Variants in SYNE2 observed in about 807,000 individuals in gnomAD.
SYNE2 encodes the protein spectrin repeat containing nuclear envelope protein 2, also known as nesprin-2.
Under a neutral mutation model 856.3 loss-of-function variants are expected in SYNE2, and 431 were observed. The observed-to-expected ratio is 0.50, with a 90% CI of 0.47 to 0.55. The LOEUF is 0.55. SYNE2 is among the 20% of genes least tolerant of loss of function. The probability of loss-of-function intolerance (pLI) is 0.00; values close to 1 mark genes in which losing one functional copy is unlikely to be tolerated. For synonymous variants in SYNE2, 2,923 were observed against 2,872.3 expected (o/e 1.02, Z -0.56); for missense variants, 8,129 against 8,023.2 (o/e 1.01, Z -0.50).
At chr14:64,209,001 C>A in intron 101 of SYNE2, 56 bp downstream of exon 101, 5 of 1,571,872 alleles carry the variant, frequency 3.2e-6, no homozygotes, top group Non-Finnish European at 3.5e-6. Flanking sequence ...CTCAATACAC[C>A]CTTCTGACCT....
intron 1 of SYNE2, among the ~76,000 whole-genome samples, chr14:63,828,260 T>C (rs1889536416): frequency 6.6e-6 from 1 of 151,938 alleles, no homozygotes; most frequent in East Asian, 1.9e-4. Context: ...TAAAAAATAA[T>C]ACAAATTAAA....
chr14:64,037,143 T>G (rs1264976953), intron 45 of SYNE2, among the ~76,000 whole-genome samples: 3 of 151,976 alleles, frequency 2.0e-5, no homozygotes, highest in Non-Finnish European at 4.4e-5. Flanking sequence ...CTTTTTTTTT[T>G]TTTTTTAATT....
intron 78 of SYNE2, among the ~76,000 whole-genome samples, chr14:64,137,295 G>A (rs1487258355): frequency 2.6e-5 from 4 of 152,154 alleles, no homozygotes; most frequent in African/African-American, 9.7e-5. Context: ...TACCTCCTGG[G>A]TTCCAGCAAT....
At chr14:64,206,059 T>C (rs2098603808) in intron 100 of SYNE2, among the ~76,000 whole-genome samples, 1 of 152,190 alleles carries the variant, frequency 6.6e-6, no homozygotes. Context: ...CTGTTTTTCT[T>C]CTCCTCAGCC....
chr14:64,076,182 C>G, intron 54 of SYNE2, 82 bp downstream of exon 54: 1 of 1,486,656 alleles, frequency 6.7e-7, no homozygotes, highest in Non-Finnish European at 9.2e-7. Context: ...ATGTCAAATT[C>G]CATTTGCCAG....
intron 45 of SYNE2, among the ~76,000 whole-genome samples, chr14:64,038,341 G>A (rs1290641889): frequency 1.3e-5 from 2 of 151,802 alleles, no homozygotes; most frequent in Non-Finnish European, 2.9e-5. Context: ...GGGCAGAGAC[G>A]CTCCTCACTT....
At chr14:64,148,032 C>T (rs2098202953) in intron 84 of SYNE2, among the ~76,000 whole-genome samples, 1 of 152,108 alleles carries the variant, frequency 6.6e-6, no homozygotes, top group Non-Finnish European at 1.5e-5. Context: ...GCCATTAAGG[C>T]CGGGCGCAGT....
chr14:64,214,147 G>T, intron 105 of SYNE2, 47 bp from the exon 106 acceptor site: 1 of 1,614,036 alleles, frequency 6.2e-7, no homozygotes, highest in South Asian at 1.1e-5. Context: ...TCTAATTGCA[G>T]AAGCCTATGA....
chr14:63,777,490 G>A (rs541206615), intron 1 of SYNE2, among the ~76,000 whole-genome samples: 2 of 152,248 alleles, frequency 1.3e-5, no homozygotes, highest in East Asian at 1.9e-4. Flanking sequence ...AGCAGCCTAG[G>A]TGACAGAGCA....
chr14:64,111,730 G>A (rs1034881651), intron 65 of SYNE2, among the ~76,000 whole-genome samples: 1 of 151,962 alleles, frequency 6.6e-6, no homozygotes, highest in Non-Finnish European at 1.5e-5. Context: ...CCTGGGAGGC[G>A]GAGGTTGCAG....
At chr14:64,150,512 T>G (rs2153702165) in intron 84 of SYNE2, among the ~76,000 whole-genome samples, 1 of 152,026 alleles carries the variant, frequency 6.6e-6, no homozygotes, top group East Asian at 1.9e-4. Flanking sequence ...TGAGCCACTG[T>G]GCCCGGCATG....
upstream of SYNE2, among the ~76,000 whole-genome samples, chr14:63,851,383 C>CA (rs545829991): frequency 2.0e-5 from 3 of 151,952 alleles, no homozygotes; most frequent in African/African-American, 7.2e-5. Context: ...AACGAACAAA[C>CA]AAAAAAACCC....
rs775098197 is a variant in SYNE2, at chr14:64,055,971, C to T, written c.9772C>T (p.Leu3258=). The T allele has an allele frequency of 6.2e-7, 1 of 1,613,930 alleles. No individual in the cohort carries two copies. Among genetic ancestry groups the T allele is most frequent in the Non-Finnish European group, 8.5e-7 (1 of 1,179,860 alleles). Residue 3258 remains leucine (L), a synonymous_variant, in exon 49 of 116, where the codon CTA becomes TTA. Coordinates refer to ENST00000555002, the MANE Select transcript of SYNE2 (RefSeq NM_182914.3). Reference sequence around the variant, plus strand: ...TGTCTTGAATGATGCTTATGAAAATCTAACACGCTATAAAGAAGCAGTCAC... The same window carrying T: ...TGTCTTGAATGATGCTTATGAAAATTTAACACGCTATAAAGAAGCAGTCAC... ...TNVLNDAYEN[L]TRYKEAVTRA...
chr14:64,009,535 CAAAAAAA>C (rs67434536), intron 31 of SYNE2, among the ~76,000 whole-genome samples: 34 of 77,438 alleles, frequency 4.4e-4, no homozygotes, highest in South Asian at 9.7e-4. Context: ...GACTCTGTCT[CAAAAAAA>C]AAAAAAAAAA....
intron 59 of SYNE2, among the ~76,000 whole-genome samples, chr14:64,090,388 A>G (rs2097600379): frequency 6.6e-6 from 1 of 152,188 alleles, no homozygotes; most frequent in African/African-American, 2.4e-5. Context: ...ATAAATCCAG[A>G]TTTCTATGGA....
chr14:63,792,299 A>C (rs11850357), intron 1 of SYNE2, among the ~76,000 whole-genome samples: 96,227 of 151,984 alleles, frequency 0.63, 30,938 homozygotes, highest in South Asian at 0.75. Context: ...AATCCCAACA[A>C]TTTGGGATGC....
chr14:63,779,925 CAATAA>C (rs1267652436), intron 1 of SYNE2, among the ~76,000 whole-genome samples: 2 of 151,916 alleles, frequency 1.3e-5, no homozygotes, highest in Non-Finnish European at 2.9e-5. Context: ...AATAAATAAA[CAATAA>C]AATAAACGGA....
chr14:63,937,664 C>T lies in SYNE2; in HGVS notation c.80-2950C>T, dbSNP rs963910178. On this transcript the variant is annotated intron_variant, in intron 2 of 115. Transcript: ENST00000555002. ...GAGAGGGCCATATAGTGTGAGATTA[C>T]TGGGCAGCTTTTAGGGCCCACTGGG... Among the ~76,000 whole-genome samples the T allele has an allele frequency of 3.3e-5, 5 of 152,132 alleles. No individual in the cohort carries two copies. In the East Asian group the frequency reaches 9.6e-4, roughly 29 times the overall value.
chr14:63,939,913 C>A (rs1398635496), intron 2 of SYNE2, among the ~76,000 whole-genome samples: 5 of 152,104 alleles, frequency 3.3e-5, no homozygotes, highest in Admixed American at 2.6e-4. Flanking sequence ...AAGACTAAAC[C>A]TTAATGATTT....
Sources: allele counts gnomAD v4.1 joint callset (sites outside exome capture counted in the v4.1 genomes callset), GRCh38; gene constraint gnomAD v4.1.1; transcripts MANE v1.5; gene names NCBI Gene and HGNC (gene_info 2026-07-23, HGNC 2026-07-21).